The following ADAMTS2 variants were observed in gnomAD, a reference collection of about 807,000 sequenced individuals.
ADAMTS2 encodes the protein ADAM metallopeptidase with thrombospondin type 1 motif 2, also known as A disintegrin and metalloproteinase with thrombospondin motifs 2.
A neutral mutation model predicts 123.0 loss-of-function variants in ADAMTS2; 50 were observed. The observed-to-expected ratio is 0.41, with a 90% CI of 0.32 to 0.51. ADAMTS2 has a LOEUF of 0.51. Ranked by LOEUF, ADAMTS2 falls within the 20% of genes least tolerant of loss-of-function variation. ADAMTS2 has a pLI of 0.35. For synonymous variants in ADAMTS2, 678 were observed against 695.4 expected, an observed-to-expected ratio of 0.98 and a Z score of 0.39; for missense variants, 1,494 against 1,705.2, an observed-to-expected ratio of 0.88 and a Z score of 2.18.
At position 179,202,604 on chromosome 5, in the gene ADAMTS2, G is replaced by A. The variant is rs992558569; in HGVS notation, c.891+4909C>T. Among the ~76,000 whole-genome samples, 2 of 152,044 alleles carry A rather than the reference G, an allele frequency of 1.3e-5. No individual in the cohort carries two copies. Among genetic ancestry groups the A allele is most frequent in the Admixed American group, 6.6e-5 (1 of 15,264 alleles). ...ACCCCTTGCCTGACATATAATAGAC[G>A]CCCCATAAACACCGGCCCCCGTATG... is the stretch of plus-strand genomic sequence containing the variant. On this transcript the variant is annotated intron_variant, in intron 4 of 21. Transcript: ENST00000251582. This position sits in a 1 kb window ranked among gnomAD's most constrained non-coding sequence, Gnocchi z 4.0.
chr5:179,233,823 TG>T (rs1765467369), intron 3 of ADAMTS2, among the ~76,000 whole-genome samples: 1 of 152,196 alleles, frequency 6.6e-6, no homozygotes, highest in Non-Finnish European at 1.5e-5. Flanking sequence ...CACCAAGGTC[TG>T]GGGGTGGCCC....
intron 2 of ADAMTS2, among the ~76,000 whole-genome samples, chr5:179,281,718 T>G (rs1306536144): frequency 6.6e-6 from 1 of 152,208 alleles, no homozygotes. Context: ...GGTCATACAG[T>G]AACTGTGCCA....
chr5:179,259,546 GGGAGCAGTGCTCCAGCCCGACGGC>G (rs1278194791), intron 3 of ADAMTS2, among the ~76,000 whole-genome samples: 53 of 152,208 alleles, frequency 3.5e-4, no homozygotes, highest in African/African-American at 1.3e-3. Flanking sequence ...AAGGCACGCT[GGGAGCAGTGCTCCAGCCCGACGGC>G]ATCCCCAGGG....
chr5:179,251,092 C>A (rs1448014587), intron 3 of ADAMTS2, among the ~76,000 whole-genome samples: 1 of 152,196 alleles, frequency 6.6e-6, no homozygotes, highest in African/African-American at 2.4e-5. Flanking sequence ...CAGAAAGAGC[C>A]CAATTCTGCA....
At chr5:179,204,517 G>A (rs894496219) in intron 4 of ADAMTS2, among the ~76,000 whole-genome samples, 3 of 152,168 alleles carry the variant, frequency 2.0e-5, no homozygotes, top group Non-Finnish European at 2.9e-5. Context: ...CCAGCACCGC[G>A]GGAAGCTCTG....
intron 3 of ADAMTS2, among the ~76,000 whole-genome samples, chr5:179,239,830 G>T (rs1765620974): frequency 6.6e-6 from 1 of 152,174 alleles, no homozygotes; most frequent in Non-Finnish European, 1.5e-5. Flanking sequence ...GCTGTGATTA[G>T]ACCAAGAAAG....
intron 1 of ADAMTS2, among the ~76,000 whole-genome samples, chr5:179,344,829 C>T (rs573657939): frequency 6.6e-6 from 1 of 152,246 alleles, no homozygotes; most frequent in South Asian, 2.1e-4. Context: ...GCAGCCGGCT[C>T]CTCCGGAGCG....
rs555030735 is a variant in ADAMTS2, at chr5:179,272,494, G to A, written c.688+417C>T. Reference sequence around the variant, plus strand: ...CATGGCAGCACAGAGCAGGAGAGGCGCTGTCTGGGGCTCTGGAGGCCTCTT... The same window carrying A: ...CATGGCAGCACAGAGCAGGAGAGGCACTGTCTGGGGCTCTGGAGGCCTCTT... On this transcript the variant is annotated intron_variant, in intron 3 of 21. Coordinates refer to ENST00000251582, the MANE Select transcript of ADAMTS2 (RefSeq NM_014244.5). The surrounding 1 kb of genome is among the most constrained non-coding windows in gnomAD (Gnocchi z 5.8). Among the ~76,000 whole-genome samples, 6 of 152,312 alleles carry A rather than the reference G, an allele frequency of 3.9e-5. No individual in the cohort carries two copies. Among genetic ancestry groups the A allele is most frequent in the African/African-American group, 1.2e-4 (5 of 41,568 alleles).
rs998355253 is a variant in ADAMTS2 at position 179,272,372 on chromosome 5, G to T, written c.688+539C>A. On this transcript the variant is annotated intron_variant, in intron 3 of 21. Transcript: ENST00000251582. The surrounding 1 kb of genome is among the most constrained non-coding windows in gnomAD (Gnocchi z 5.8). ...GGAGCACCTCCAGAGTCCTTGTAGG[G>T]CACATGCCTCCAGGGATCCAGAAAG... Among the ~76,000 whole-genome samples the T allele has an allele frequency of 4.8e-4, 73 of 152,184 alleles. 1 individual carries two copies. Among genetic ancestry groups the T allele is most frequent in the Admixed American group, 4.8e-3 (73 of 15,288 alleles).
Position 179,257,917 on chromosome 5 carries a change from AT to A in ADAMTS2, c.688+14993del, listed in dbSNP as rs2113481810. Among the ~76,000 whole-genome samples, 2 of 152,200 alleles carry A rather than the reference AT, an allele frequency of 1.3e-5. 1 individual carries two copies. Among genetic ancestry groups the A allele is most frequent in the South Asian group, 4.1e-4 (2 of 4,826 alleles). On this transcript the variant is annotated intron_variant, in intron 3 of 21. Transcript: ENST00000251582. ...AATGAAGAGATTGTAAGTAAAATCAATTTCCAGCTTCTCTTATAAAATTGGA... is the reference window on the plus strand; with the variant it reads ...AATGAAGAGATTGTAAGTAAAATCAATTCCAGCTTCTCTTATAAAATTGGA...
chr5:179,152,389 G>T lies in ADAMTS2; in HGVS notation c.1516-134C>A, dbSNP rs577797389. Reference sequence around the variant, plus strand: ...CATGATGGGCCCGTGAGGCTGGTGGGTGTTGTGATTCTGGGGTGGTGAAGA... The same window carrying T: ...CATGATGGGCCCGTGAGGCTGGTGGTTGTTGTGATTCTGGGGTGGTGAAGA... On this transcript the variant is annotated intron_variant, in intron 9 of 21. Coordinates refer to ENST00000251582, the MANE Select transcript of ADAMTS2 (RefSeq NM_014244.5). 38 of 859,518 alleles carry T rather than the reference G, an allele frequency of 4.4e-5. No individual in the cohort carries two copies. In the African/African-American group the frequency reaches 4.8e-4, roughly 11 times the overall value. The allele number at this position is 859,518 out of a possible 1,614,324, so 53.2% of individuals were successfully genotyped here.
intron 4 of ADAMTS2, among the ~76,000 whole-genome samples, chr5:179,203,548 C>T (rs1170743606): frequency 6.6e-6 from 1 of 152,224 alleles, no homozygotes; most frequent in Admixed American, 6.5e-5. Flanking sequence ...CCATAGCACC[C>T]AAGTTCAGAG....
chr5:179,154,252 C>A (rs967628056), intron 7 of ADAMTS2, 60 bp from the exon 8 acceptor site: 11 of 1,534,206 alleles, frequency 7.2e-6, no homozygotes, highest in African/African-American at 1.4e-5. Context: ...CAGTCCCACC[C>A]CACCCCGATG....
Position 179,132,699 on chromosome 5 carries a change from A to G in ADAMTS2, c.2209+78T>C. The G allele has an allele frequency of 1.3e-6, 2 of 1,591,136 alleles. No homozygotes were observed. Among genetic ancestry groups the G allele is most frequent in the Non-Finnish European group, 1.7e-6 (2 of 1,161,092 alleles). Reference sequence around the variant, plus strand: ...CATAAGCCCGGACAGCCCCAGGATGAGTCAGGCCCTCAGCTGTCCGGGCAT... The same window carrying G: ...CATAAGCCCGGACAGCCCCAGGATGGGTCAGGCCCTCAGCTGTCCGGGCAT... On this transcript the variant is annotated intron_variant, in intron 14 of 21. Transcript: ENST00000251582. The surrounding 1 kb of genome is among the most constrained non-coding windows in gnomAD (Gnocchi z 6.1).
chr5:179,125,995 C>T lies in ADAMTS2; in HGVS notation c.2750+3G>A, dbSNP rs1004668991. The stretch of plus-strand genomic sequence containing the variant: ...AGTGGGAGCCCGAGCTGGGGGCACT[C>T]ACACTGGCTGGGAGCATTCCTGTGG... On this transcript the variant is annotated splice_donor_region_variant and intron_variant, in intron 18 of 21. Transcript: ENST00000251582. The T allele has an allele frequency of 5.0e-6, 8 of 1,613,344 alleles. No individual in the cohort carries two copies. In the South Asian group the frequency reaches 7.7e-5, roughly 15 times the overall value.
At chr5:179,143,780 C>T (rs73806914) in intron 10 of ADAMTS2, among the ~76,000 whole-genome samples, 3,029 of 152,266 alleles carry the variant, frequency 0.02, 102 homozygotes, top group African/African-American at 0.068. Flanking sequence ...TGAAGTCAGT[C>T]ATTTTTCTTG....
At chr5:179,250,798 G>C (rs932698916) in intron 3 of ADAMTS2, among the ~76,000 whole-genome samples, 2 of 152,248 alleles carry the variant, frequency 1.3e-5, no homozygotes, top group Non-Finnish European at 1.5e-5. Context: ...AAACCTGGCT[G>C]ATGGGAGGCC....
Position 179,314,173 on chromosome 5 carries a change from G to C in ADAMTS2, c.534+29594C>G, listed in dbSNP as rs527431801. ...GGCGCAGCCTGGGAGCACACAGACC[G>C]GCCAGGGCCAGGGCCAGGACTGGCA... On this transcript the variant is annotated intron_variant, in intron 2 of 21. Coordinates refer to ENST00000251582, the MANE Select transcript of ADAMTS2 (RefSeq NM_014244.5). The surrounding 1 kb of genome is among the most constrained non-coding windows in gnomAD (Gnocchi z 4.5). 6.6e-6 allele frequency among the ~76,000 whole-genome samples: 1 copy of C among 152,184 alleles called. No homozygotes were observed. Among genetic ancestry groups the C allele is most frequent in the Non-Finnish European group, 1.5e-5 (1 of 68,024 alleles).
intron 4 of ADAMTS2, among the ~76,000 whole-genome samples, chr5:179,182,546 G>A (rs1764072434): frequency 6.6e-6 from 1 of 152,148 alleles, no homozygotes; most frequent in South Asian, 2.1e-4. Context: ...CATACAGGGC[G>A]TGCAAGACAA....
Sources: allele counts gnomAD v4.1 joint callset (sites outside exome capture counted in the v4.1 genomes callset), GRCh38; gene constraint gnomAD v4.1.1; non-coding constraint Gnocchi (gnomAD v3.1); transcripts MANE v1.5; gene names NCBI Gene and HGNC (gene_info 2026-07-23, HGNC 2026-07-21).